DDC: variants seen among roughly 807,000 people sequenced by gnomAD.
DDC encodes dopa decarboxylase.
Under a neutral mutation model 60.0 loss-of-function variants are expected in DDC, and 43 were observed. The observed-to-expected ratio is 0.72, with a 90% CI of 0.56 to 0.92. The LOEUF (loss-of-function observed/expected upper bound fraction) is 0.92. Ranked by LOEUF, DDC falls within the 40% of genes least tolerant of loss-of-function variation. The pLI is 0.00. For synonymous variants in DDC, 232 were observed against 234.6 expected (o/e 0.99, Z 0.10); for missense variants, 573 against 620.2 (o/e 0.92, Z 0.81).
At chr7:50,522,867 G>A (rs1450134860) in intron 6 of DDC, among the ~76,000 whole-genome samples, 1 of 152,176 alleles carries the variant, frequency 6.6e-6, no homozygotes, top group Non-Finnish European at 1.5e-5. Flanking sequence ...CATGGCAGAA[G>A]GTGAAGGGGA....
chr7:50,469,983 A>G (rs919046099), intron 12 of DDC, 90 bp downstream of exon 12: 1 of 926,796 alleles, frequency 1.1e-6, no homozygotes, highest in Non-Finnish European at 1.7e-6. Context: ...CTGTCTCAAA[A>G]AAAAAAAAAG....
chr7:50,476,590 A>G lies in DDC; in HGVS notation c.1041+34T>C, dbSNP rs1422988508. 2.5e-6 allele frequency: 4 copies of G among 1,592,520 alleles called. No individual in the cohort carries two copies. In the South Asian group the frequency reaches 4.4e-5, roughly 18 times the overall value. ...TGGCGTAGCCCCCCAGCACTCCACT[A>G]GCATTTGAGATTACAGTGGAATCTC... On this transcript the variant is annotated intron_variant, in intron 11 of 14. Coordinates refer to ENST00000444124, the MANE Select transcript of DDC (RefSeq NM_001082971.2).
intron 4 of DDC, among the ~76,000 whole-genome samples, 199 bp downstream of exon 4, chr7:50,537,661 T>G (rs1585255011): frequency 6.6e-6 from 1 of 152,058 alleles, no homozygotes; most frequent in South Asian, 2.1e-4. Flanking sequence ...GGGAAGCGAG[T>G]GAAAGACAGC....
intron 9 of DDC, among the ~76,000 whole-genome samples, chr7:50,487,881 T>C (rs1021282289): frequency 6.6e-6 from 1 of 152,136 alleles, no homozygotes; most frequent in African/African-American, 2.4e-5. Context: ...TTATAAGGTG[T>C]CAATATTTGG....
At chr7:50,514,671 T>C (rs1181042603) in intron 6 of DDC, among the ~76,000 whole-genome samples, 1 of 152,096 alleles carries the variant, frequency 6.6e-6, no homozygotes, top group Non-Finnish European at 1.5e-5. Flanking sequence ...GACACACTTT[T>C]AGAAATGTGG....
intron 4 of DDC, among the ~76,000 whole-genome samples, chr7:50,530,120 G>T (rs2044156522): frequency 6.6e-6 from 1 of 152,094 alleles, no homozygotes. Flanking sequence ...GCCAGGCATG[G>T]TGGCGTGCCT....
chr7:50,509,256 C>T (rs574761946), intron 6 of DDC, among the ~76,000 whole-genome samples: 2 of 152,292 alleles, frequency 1.3e-5, no homozygotes, highest in East Asian at 3.9e-4. Flanking sequence ...TGGCCCACAT[C>T]TGTGGCTTCT....
chr7:50,559,458 C>T (rs772785380), intron 1 of DDC, among the ~76,000 whole-genome samples: 10 of 149,900 alleles, frequency 6.7e-5, no homozygotes, highest in South Asian at 4.2e-4. Context: ...GACAGAGTCT[C>T]GCTCTGTTGC....
intron 1 of DDC, 38 bp from the exon 2 acceptor site, chr7:50,544,151 AC>A (rs2044728238): frequency 6.6e-7 from 1 of 1,510,946 alleles, no homozygotes; most frequent in Non-Finnish European, 9.2e-7. Context: ...AAATTTTGCA[AC>A]CTCTGAACTG....
chr7:50,562,907 C>G (rs1339314765), intron 1 of DDC, among the ~76,000 whole-genome samples: 1 of 152,190 alleles, frequency 6.6e-6, no homozygotes, highest in Non-Finnish European at 1.5e-5. Context: ...GTGGCTCATG[C>G]CTGTAATCCC....
chr7:50,534,962 C>G (rs1366763061), intron 4 of DDC, among the ~76,000 whole-genome samples: 1 of 152,138 alleles, frequency 6.6e-6, no homozygotes, highest in East Asian at 1.9e-4. Context: ...CCTGTGACAG[C>G]CTATCCTTGC....
chr7:50,554,143 T>G (rs1390133709), intron 1 of DDC, among the ~76,000 whole-genome samples: 2 of 152,296 alleles, frequency 1.3e-5, no homozygotes, highest in Middle Eastern at 3.4e-3. Flanking sequence ...CTGTTACCTT[T>G]AACCTCCACC....
In DDC at chr7:50,528,140, G is replaced by A. The variant is rs747485699; in HGVS notation, c.711C>T (p.Phe237=). 2.5e-6 allele frequency: 4 copies of A among 1,612,734 alleles called. No homozygotes were observed. The Admixed American group carries it at 5.0e-5, about 20-fold the overall frequency. The change falls in exon 6 of 15, where the codon TTC becomes TTT. Residue 237 remains phenylalanine (F), a synonymous_variant. Coordinates refer to ENST00000444124, the MANE Select transcript of DDC (RefSeq NM_001082971.2). ...CCACAAGTGCTGCCGAACTTACAAA[G>A]AAAGGAATCAGGCCAGCCGCTTTGT... ...ERDKAAGLIP[F]FMVATLGTTT... is the part of the protein sequence containing the mutation.
At chr7:50,471,681 A>G (rs751973820) in intron 11 of DDC, among the ~76,000 whole-genome samples, 3 of 152,288 alleles carry the variant, frequency 2.0e-5, no homozygotes, top group Non-Finnish European at 4.4e-5. Flanking sequence ...TGACTTGCCC[A>G]ATGTCACCAA....
At position 50,466,493 on chromosome 7, in the gene DDC, GAA is replaced by G. The variant is rs57396757; in HGVS notation, c.1242+719_1242+720del. 5.0e-3 allele frequency among the ~76,000 whole-genome samples: 321 copies of G among 64,074 alleles called. 2 individuals are homozygous for G. Among genetic ancestry groups the G allele is most frequent in the Non-Finnish European group, 5.5e-3 (160 of 28,914 alleles). 42.0% of individuals were successfully genotyped at this position (64,074 alleles called of 152,430 possible). A position where few individuals can be genotyped will look rare whatever the true frequency, so the allele number is the denominator to read the frequency against. ...GAGTGGGAGACTCTGTCTCCAAAAA[GAA>G]AAAAAAAAAAAAAAAAAAAAAACCT... On this transcript the variant is annotated intron_variant, in intron 13 of 14. Transcript: ENST00000444124.
intron 6 of DDC, among the ~76,000 whole-genome samples, chr7:50,513,284 C>T (rs1054206623): frequency 1.3e-5 from 2 of 152,122 alleles, no homozygotes; most frequent in African/African-American, 2.4e-5. Context: ...TTTAGACAGT[C>T]GAGCAAAATA....
chr7:50,563,808 C>T (rs928453125), intron 1 of DDC, among the ~76,000 whole-genome samples: 2 of 152,180 alleles, frequency 1.3e-5, no homozygotes, highest in Non-Finnish European at 2.9e-5. Context: ...CACCATGTTG[C>T]CCAGGCTGGT....
At chr7:50,536,486 A>C (rs1054968127) in intron 4 of DDC, among the ~76,000 whole-genome samples, 15 of 152,208 alleles carry the variant, frequency 9.9e-5, no homozygotes, top group African/African-American at 3.6e-4. Flanking sequence ...GAAAGGTCAG[A>C]AAGATGGGAC....
At chr7:50,477,073 T>C (rs1668809937) in intron 10 of DDC, among the ~76,000 whole-genome samples, 1 of 152,238 alleles carries the variant, frequency 6.6e-6, no homozygotes, top group African/African-American at 2.4e-5. Flanking sequence ...GGTGGGATTA[T>C]TCATCTCTGT....
Sources: gnomAD v4.1 joint callset for allele counts (sites outside exome capture counted in the v4.1 genomes callset) on GRCh38, gnomAD v4.1.1 for gene constraint, MANE v1.5 for transcripts, NCBI Gene and HGNC (gene_info 2026-07-23, HGNC 2026-07-21) for gene names.